GRIK4: variants seen among roughly 807,000 people sequenced by gnomAD.
GRIK4 encodes the protein glutamate receptor ionotropic, kainate 4.
Under a neutral mutation model 104.9 loss-of-function variants are expected in GRIK4, and 40 were observed. That is an observed-to-expected ratio of 0.38 (90% confidence interval 0.30 to 0.50). The LOEUF is 0.50. Among genes scored for constraint, GRIK4 ranks in the 20% least tolerant of loss-of-function variants. The pLI is 0.93. For missense variants in GRIK4, 1,047 were observed against 1,308.1 expected (o/e 0.80, Z 3.08); for synonymous variants, 485 against 524.9 (o/e 0.92, Z 1.04).
chr11:120,546,412 C>A (rs1470432702), intron 1 of GRIK4, among the ~76,000 whole-genome samples: 1 of 152,076 alleles, frequency 6.6e-6, no homozygotes, highest in Admixed American at 6.6e-5. Context: ...AAGGACTTCT[C>A]AAGGGACCGC....
chr11:120,556,046 C>A (rs955204380), intron 1 of GRIK4, among the ~76,000 whole-genome samples: 1 of 152,148 alleles, frequency 6.6e-6, no homozygotes, highest in African/African-American at 2.4e-5. Flanking sequence ...CATGCCAGCA[C>A]ACAGAGCGCC....
chr11:120,536,328 G>C (rs1947974371), intron 1 of GRIK4, among the ~76,000 whole-genome samples: 1 of 152,178 alleles, frequency 6.6e-6, no homozygotes, highest in African/African-American at 2.4e-5. Flanking sequence ...CTTTTTCTCT[G>C]TTTCAAAAGC....
rs1948119340 is a variant in GRIK4 at position 120,549,532 on chromosome 11, C to T, written c.-159+37645C>T. On this transcript the variant is annotated intron_variant, in intron 1 of 20. Transcript: ENST00000527524. The surrounding 1 kb of genome is among the most constrained non-coding windows in gnomAD (Gnocchi z 4.7). Reference sequence around the variant, plus strand: ...GCTGCAGTGGCACCTGTGTGCAGGCCCCTTTCCTGTAAGAGGTGAGGGCAG... The same window carrying T: ...GCTGCAGTGGCACCTGTGTGCAGGCTCCTTTCCTGTAAGAGGTGAGGGCAG... 6.6e-6 allele frequency among the ~76,000 whole-genome samples: 1 copy of T among 152,204 alleles called. No homozygotes were observed. Among genetic ancestry groups the T allele is most frequent in the African/African-American group, 2.4e-5 (1 of 41,452 alleles).
At chr11:120,955,615 C>T (rs557783137) in intron 15 of GRIK4, among the ~76,000 whole-genome samples, 89 of 152,308 alleles carry the variant, frequency 5.8e-4, no homozygotes, top group African/African-American at 2.0e-3. Context: ...TTCAGAGAGA[C>T]GCCAGTGGTG....
chr11:120,551,783 AAAT>A (rs200451107), intron 1 of GRIK4, among the ~76,000 whole-genome samples: 2,414 of 151,318 alleles, frequency 0.016, 65 homozygotes, highest in African/African-American at 0.056. Flanking sequence ...TCTGTAAAAT[AAAT>A]AAATAAATAA....
intron 7 of GRIK4, among the ~76,000 whole-genome samples, chr11:120,832,375 C>T (rs1003516481): frequency 6.6e-6 from 1 of 152,090 alleles, no homozygotes; most frequent in African/African-American, 2.4e-5. Context: ...AGGCTGTCTG[C>T]CAAATGGTAT....
Position 120,831,937 on chromosome 11 carries a change from C to T in GRIK4, c.597C>T (p.Asp199=), listed in dbSNP as rs745445993. Residue 199 remains aspartate, a synonymous_variant, in exon 7 of 21, where the codon GAC becomes GAT. Coordinates refer to ENST00000527524, the MANE Select transcript of GRIK4 (RefSeq NM_014619.5). ...LSVRMLDDTR[D]PTPLLKEIRD... The stretch of plus-strand genomic sequence containing the variant: ...TCCGCATGCTGGATGACACCCGGGA[C>T]CCCACCCCGCTCCTCAAGGAGATCC... The T allele has an allele frequency of 5.6e-6, 9 of 1,613,766 alleles. No homozygotes were observed. Among genetic ancestry groups the T allele is most frequent in the East Asian group, 2.2e-5 (1 of 44,868 alleles).
In GRIK4 at chr11:120,967,499, A is replaced by G. The variant is rs1478140819; in HGVS notation, c.2395+176A>G. 6.6e-6 allele frequency among the ~76,000 whole-genome samples: 1 copy of G among 152,124 alleles called. No individual in the cohort carries two copies. Among genetic ancestry groups the G allele is most frequent in the African/African-American group, 2.4e-5 (1 of 41,418 alleles). The stretch of plus-strand genomic sequence containing the variant: ...TCAGGTCTGTCCCAGGGTCTTGCGT[A>G]TCGCAGGCACCCAGTGTCCACCCGG... On this transcript the variant is annotated intron_variant, in intron 19 of 20. Coordinates refer to ENST00000527524, the MANE Select transcript of GRIK4 (RefSeq NM_014619.5). This position sits in a 1 kb window ranked among gnomAD's most constrained non-coding sequence, Gnocchi z 4.2.
intron 3 of GRIK4, among the ~76,000 whole-genome samples, chr11:120,723,486 G>C (rs1427600725): frequency 6.6e-6 from 1 of 152,170 alleles, no homozygotes; most frequent in African/African-American, 2.4e-5. Flanking sequence ...ATGGCCTCGG[G>C]CAAATCCCTG....
chr11:120,808,212 C>T (rs961925978), intron 4 of GRIK4, among the ~76,000 whole-genome samples: 2 of 152,070 alleles, frequency 1.3e-5, no homozygotes, highest in East Asian at 1.9e-4. Flanking sequence ...GAGTTCAATG[C>T]ACCAGGATTC....
chr11:120,898,233 C>T (rs894407320), intron 11 of GRIK4, among the ~76,000 whole-genome samples: 2 of 152,214 alleles, frequency 1.3e-5, no homozygotes, highest in African/African-American at 4.8e-5. Flanking sequence ...ATGTTCCATT[C>T]CTTTCTGTGT....
intron 3 of GRIK4, among the ~76,000 whole-genome samples, chr11:120,770,216 T>C (rs1375171352): frequency 6.6e-6 from 1 of 152,188 alleles, no homozygotes; most frequent in African/African-American, 2.4e-5. Context: ...ATACAAAACA[T>C]ACACACAAAA....
Position 120,819,679 on chromosome 11 carries a change from C to T in GRIK4, c.346-76C>T. 1 of 1,396,604 alleles carries T rather than the reference C, an allele frequency of 7.2e-7. No homozygotes were observed. Among genetic ancestry groups the T allele is most frequent in the Non-Finnish European group, 1.0e-6 (1 of 986,386 alleles). The allele number at this position is 1,396,604 out of a possible 1,614,324, so 86.5% of individuals were successfully genotyped here. A position where few individuals can be genotyped will look rare whatever the true frequency, so the allele number is the denominator to read the frequency against. ...TAAAAGAACTCACCCTCCACAACCT[C>T]AGCTCACTCATCCCTCTTTCTTCCT... On this transcript the variant is annotated intron_variant, in intron 5 of 20. Coordinates refer to ENST00000527524, the MANE Select transcript of GRIK4 (RefSeq NM_014619.5). The surrounding 1 kb of genome is among the most constrained non-coding windows in gnomAD (Gnocchi z 4.3).
intron 13 of GRIK4, among the ~76,000 whole-genome samples, chr11:120,911,533 G>A (rs569016522): frequency 4.9e-5 from 7 of 143,252 alleles, no homozygotes; most frequent in East Asian, 2.4e-4. Flanking sequence ...CACCGCGCCC[G>A]GCCCAAAATT....
rs941344018 is a variant in GRIK4, at chr11:120,549,590, C to A, written c.-159+37703C>A. Among the ~76,000 whole-genome samples the A allele has an allele frequency of 2.0e-5, 3 of 152,198 alleles. No homozygotes were observed. The highest frequency in any genetic ancestry group is 2.9e-5 in the Non-Finnish European group (2 of 68,038). On this transcript the variant is annotated intron_variant, in intron 1 of 20. Coordinates refer to ENST00000527524, the MANE Select transcript of GRIK4 (RefSeq NM_014619.5). The surrounding 1 kb of genome is among the most constrained non-coding windows in gnomAD (Gnocchi z 4.7). ...ATAGGGAGGGGCACAGCAGGCACCC[C>A]CTCCCGGAGCCTGGCTAGGGCGTGT...
At chr11:120,610,473 G>A (rs79825730) in intron 1 of GRIK4, among the ~76,000 whole-genome samples, 6,921 of 152,218 alleles carry the variant, frequency 0.045, 233 homozygotes, top group Non-Finnish European at 0.066. Context: ...GGAGAGGGTG[G>A]CCGCAGGGAT....
At chr11:120,559,599 C>A (rs538128590) in intron 1 of GRIK4, among the ~76,000 whole-genome samples, 5 of 152,182 alleles carry the variant, frequency 3.3e-5, no homozygotes, top group African/African-American at 4.8e-5. Context: ...ACAACATGCA[C>A]AGAACATGGT....
At chr11:120,832,422 A>C (rs1383097665) in intron 7 of GRIK4, among the ~76,000 whole-genome samples, 1 of 152,162 alleles carries the variant, frequency 6.6e-6, no homozygotes, top group Non-Finnish European at 1.5e-5. Context: ...GGACCATCAC[A>C]CCAGTGTGTA....
intron 1 of GRIK4, among the ~76,000 whole-genome samples, chr11:120,592,363 C>T (rs1034222850): frequency 1.3e-5 from 2 of 152,202 alleles, no homozygotes; most frequent in African/African-American, 2.4e-5. Flanking sequence ...CGCCGTCCTA[C>T]GATGGCCTGG....
Sources: gnomAD v4.1 joint callset for allele counts (sites outside exome capture counted in the v4.1 genomes callset) on GRCh38, gnomAD v4.1.1 for gene constraint, Gnocchi (gnomAD v3.1) non-coding constraint, MANE v1.5 for transcripts, NCBI Gene and HGNC (gene_info 2026-07-23, HGNC 2026-07-21) for gene names.